The following TADA2A variants were observed in gnomAD, a reference collection of about 807,000 sequenced individuals.
The protein encoded by TADA2A is transcriptional adapter 2-alpha.
Under a neutral mutation model 67.4 loss-of-function variants are expected in TADA2A, and 38 were observed. That is an observed-to-expected ratio of 0.56 (90% CI 0.44 to 0.74). The LOEUF is 0.74. Among genes scored for constraint, TADA2A ranks in the 30% least tolerant of loss-of-function variants. The pLI is 0.00. For synonymous variants in TADA2A, 192 were observed against 181.6 expected (o/e 1.06, Z -0.46); for missense variants, 454 against 547.0 (o/e 0.83, Z 1.70).
intron 8 of TADA2A, among the ~76,000 whole-genome samples, chr17:37,457,176 CTTTTTTTTTTTTT>C (rs34125875): frequency 9.4e-6 from 1 of 105,978 alleles, no homozygotes; most frequent in Non-Finnish European, 1.9e-5. Flanking sequence ...AATCATTATT[CTTTTTTTTTTTTT>C]TTTTTTTTTG....
intron 2 of TADA2A, among the ~76,000 whole-genome samples, chr17:37,411,967 T>C (rs938387194): frequency 6.6e-5 from 10 of 151,184 alleles, no homozygotes; most frequent in African/African-American, 2.4e-4. Flanking sequence ...TCCCAGCACT[T>C]TGGGAGGCCG....
Position 37,477,156 on chromosome 17 carries a change from A to G in TADA2A, c.*174A>G. 1 of 625,202 alleles carries G rather than the reference A, an allele frequency of 1.6e-6. No individual in the cohort carries two copies. The highest frequency in any genetic ancestry group is 2.7e-6 in the Non-Finnish European group (1 of 375,720). The allele number at this position is 625,202 out of a possible 1,614,324, so 38.7% of individuals were successfully genotyped here. The stretch of plus-strand genomic sequence containing the variant: ...TCTACTTTCTTCTCCATCCTGCTTT[A>G]AAACACTCCTGTTGTTGGTATTATG... On this transcript the variant is annotated 3_prime_UTR_variant, in exon 16 of 16. Coordinates refer to ENST00000615182, the MANE Select transcript of TADA2A (RefSeq NM_001166105.3).
At position 37,423,137 on chromosome 17, in the gene TADA2A, A is replaced by C. The variant is rs371599650; in HGVS notation, c.26-372A>C. Reference sequence around the variant, plus strand: ...TCCTAACTACTTGGGAGGCTGAGGCAGGAGGATTGCTTAAGCCCAGGAGTT... The same window carrying C: ...TCCTAACTACTTGGGAGGCTGAGGCCGGAGGATTGCTTAAGCCCAGGAGTT... On this transcript the variant is annotated intron_variant, in intron 2 of 15. Transcript: ENST00000615182. Among the ~76,000 whole-genome samples the C allele has an allele frequency of 3.8e-4, 58 of 152,304 alleles. 3 individuals carry two copies. The South Asian group carries it at 0.012, about 30-fold the overall frequency.
intron 8 of TADA2A, among the ~76,000 whole-genome samples, chr17:37,456,716 A>G (rs2053402630): frequency 6.6e-6 from 1 of 152,202 alleles, no homozygotes; most frequent in Non-Finnish European, 1.5e-5. Flanking sequence ...TGGAGCTTAA[A>G]ATAGATATCG....
intron 11 of TADA2A, among the ~76,000 whole-genome samples, chr17:37,466,347 G>A (rs2053664591): frequency 6.6e-6 from 1 of 152,118 alleles, no homozygotes; most frequent in Admixed American, 6.6e-5. Context: ...TTGAACCCGG[G>A]TAGCCGAGGT....
intron 13 of TADA2A, among the ~76,000 whole-genome samples, chr17:37,470,859 T>G (rs1375125517): frequency 6.6e-6 from 1 of 152,132 alleles, no homozygotes; most frequent in Non-Finnish European, 1.5e-5. Context: ...TTGAGTGGTG[T>G]TAGTGGTGTT....
chr17:37,417,102 G>A (rs912401825), intron 2 of TADA2A, among the ~76,000 whole-genome samples: 2 of 151,406 alleles, frequency 1.3e-5, no homozygotes, highest in Non-Finnish European at 2.9e-5. Flanking sequence ...ACAAAAGACC[G>A]GGCACAATGG....
Position 37,435,808 on chromosome 17 carries a change from G to A in TADA2A, c.193-1930G>A, listed in dbSNP as rs537334278. Among the ~76,000 whole-genome samples the A allele has an allele frequency of 1.2e-4, 19 of 152,054 alleles. 1 individual carries two copies. In the South Asian group the frequency reaches 2.1e-3, roughly 17 times the overall value. On this transcript the variant is annotated intron_variant, in intron 4 of 15. Transcript: ENST00000615182. ...TTGCCCAGGCTGGTCTCAAACTCCTGAGCTCAAGCAATCCACCCACCCAGG... is the reference window on the plus strand; with the variant it reads ...TTGCCCAGGCTGGTCTCAAACTCCTAAGCTCAAGCAATCCACCCACCCAGG...
intron 6 of TADA2A, 73 bp downstream of exon 6, chr17:37,440,735 T>C (rs1198269561): frequency 1.9e-6 from 3 of 1,545,526 alleles, no homozygotes; most frequent in East Asian, 4.5e-5. Flanking sequence ...AGATAAAGAG[T>C]GATTTGATGA....
At chr17:37,476,218 A>G (rs1057490119) in intron 15 of TADA2A, among the ~76,000 whole-genome samples, 1 of 152,328 alleles carries the variant, frequency 6.6e-6, no homozygotes, top group Non-Finnish European at 1.5e-5. Context: ...TGGTGACCTC[A>G]GACTCCTCAT....
chr17:37,426,689 A>C, intron 3 of TADA2A: 1 of 236,604 alleles, frequency 4.2e-6, no homozygotes, highest in Non-Finnish European at 7.9e-6. Context: ...AAAAAAAAAA[A>C]CTTGTCAAGA....
At chr17:37,466,976 G>A (rs1269106607) in intron 11 of TADA2A, among the ~76,000 whole-genome samples, 2 of 152,090 alleles carry the variant, frequency 1.3e-5, no homozygotes, top group Non-Finnish European at 2.9e-5. Flanking sequence ...GGCCATCATG[G>A]CAGAACCCCA....
Position 37,442,593 on chromosome 17 carries a change from G to C in TADA2A, c.472G>C (p.Asp158His). 1 of 1,613,318 alleles carries C rather than the reference G, an allele frequency of 6.2e-7. No individual in the cohort carries two copies. The highest frequency in any genetic ancestry group is 8.5e-7 in the Non-Finnish European group (1 of 1,179,826). The change falls in exon 7 of 16, where the codon GAC (aspartate) becomes CAC (histidine). Residue 158 changes from aspartate to histidine, a missense_variant. Coordinates refer to ENST00000615182, the MANE Select transcript of TADA2A (RefSeq NM_001166105.3). ...AGATGACCCTCCCCGACCTACCTTTGACTCCTTGCTTTCTCGGGACATGGC... is the reference window on the plus strand; with the variant it reads ...AGATGACCCTCCCCGACCTACCTTTCACTCCTTGCTTTCTCGGGACATGGC... ...STDDPPRPTF[D>H]SLLSRDMAGY...
At position 37,474,573 on chromosome 17, in the gene TADA2A, C is replaced by T; in HGVS notation, c.1090C>T (p.Pro364Ser). 4 of 1,613,736 alleles carry T rather than the reference C, an allele frequency of 2.5e-6. No individual in the cohort carries two copies. Among genetic ancestry groups the T allele is most frequent in the Non-Finnish European group, 3.4e-6 (4 of 1,179,896 alleles). The change falls in exon 15 of 16, where the codon CCC becomes TCC. Residue 364 changes from proline (P) to serine (S), a missense_variant. By Grantham distance (74) the Pro-to-Ser change is moderately conservative (BLOSUM62 -1). Coordinates refer to ENST00000615182, the MANE Select transcript of TADA2A (RefSeq NM_001166105.3). ...GTCTATAGGTAGACGGAGTGCACCA[C>T]CCTTGAACCTCACTGGCCTCCCTGG... ...ASNSGRRSAPPLNLTGLPGTE... is the reference protein window; with the variant it reads ...ASNSGRRSAPSLNLTGLPGTE...
At chr17:37,409,133 T>G (rs951190408) in intron 1 of TADA2A, among the ~76,000 whole-genome samples, 1 of 152,316 alleles carries the variant, frequency 6.6e-6, no homozygotes, top group Middle Eastern at 3.4e-3. Context: ...TCGCCCAGGC[T>G]GGAGTGCAGT....
At chr17:37,425,735 A>G (rs1385106463) in intron 3 of TADA2A, among the ~76,000 whole-genome samples, 2 of 151,450 alleles carry the variant, frequency 1.3e-5, no homozygotes, top group African/African-American at 2.4e-5. Flanking sequence ...TGCCACCTCT[A>G]TCTTCCAGGC....
At chr17:37,460,318 TC>T (rs2053518175) in intron 9 of TADA2A, among the ~76,000 whole-genome samples, 1 of 152,104 alleles carries the variant, frequency 6.6e-6, no homozygotes, top group Non-Finnish European at 1.5e-5. Context: ...CGATCTCAGC[TC>T]ACTGCAGCGT....
chr17:37,411,417 G>A (rs747886555), intron 2 of TADA2A, 27 bp downstream of exon 2: 7 of 1,607,472 alleles, frequency 4.4e-6, no homozygotes, highest in Middle Eastern at 3.3e-4. Context: ...CAAGTCTCAG[G>A]TGACTTATTA....
intron 4 of TADA2A, among the ~76,000 whole-genome samples, chr17:37,428,063 A>T (rs941935155): frequency 2.6e-5 from 4 of 152,178 alleles, no homozygotes; most frequent in African/African-American, 9.6e-5. Context: ...GTTTTCTGAC[A>T]TTTGGCCCCC....
Sources: allele counts gnomAD v4.1 joint callset (sites outside exome capture counted in the v4.1 genomes callset), GRCh38; gene constraint gnomAD v4.1.1; transcripts MANE v1.5; gene names NCBI Gene and HGNC (gene_info 2026-07-23, HGNC 2026-07-21).